DIP2C: variants seen among roughly 807,000 people sequenced by gnomAD.
DIP2C encodes disco-interacting protein 2 homolog C.
In DIP2C, 33 loss-of-function variants were observed where a neutral mutation model predicts 192.4. That is an observed-to-expected ratio of 0.17 (90% CI 0.13 to 0.23). The LOEUF (loss-of-function observed/expected upper bound fraction) is 0.23. DIP2C is among the 10% of genes least tolerant of loss of function. DIP2C has a pLI of 1.00. For missense variants in DIP2C, 1,537 were observed against 2,110.1 expected, an observed-to-expected ratio of 0.73 and a Z score of 5.32; for synonymous variants, 979 against 864.1, an observed-to-expected ratio of 1.13 and a Z score of -2.33.
chr10:555,700 G>A (rs367693799), intron 1 of DIP2C, among the ~76,000 whole-genome samples: 5 of 152,252 alleles, frequency 3.3e-5, no homozygotes, highest in East Asian at 3.9e-4. Context: ...CCTCAGATGC[G>A]TTAATCAGAG....
At position 310,041 on chromosome 10, in the gene DIP2C, T is replaced by C; in HGVS notation, c.3976A>G (p.Arg1326Gly). The C allele has an allele frequency of 6.2e-7, 1 of 1,614,166 alleles. No individual in the cohort carries two copies. Among genetic ancestry groups the C allele is most frequent in the Non-Finnish European group, 8.5e-7 (1 of 1,180,034 alleles). ...AGAAGTGTACAGTACCTGTCGTGTC[T>C]CAGGGCTCTCATGTCCACGTAGACA... Reference protein sequence around the residue: ...TTVYVDMRALRHDRVRLVERG... With the variant: ...TTVYVDMRALGHDRVRLVERG... The change falls in exon 32 of 37, where the codon AGA (arginine) becomes GGA (glycine). Residue 1326 changes from arginine to glycine, a missense_variant. This residue lies in a region of DIP2C where 341 missense variants were observed against 551.7 expected (regional missense o/e 0.62). Transcript: ENST00000280886.
intron 10 of DIP2C, among the ~76,000 whole-genome samples, chr10:396,826 T>TGTGG (rs1964021405): frequency 2.4e-5 from 1 of 41,208 alleles, no homozygotes; most frequent in East Asian, 6.9e-4. Flanking sequence ...GCAAATCCGG[T>TGTGG]GGGGGGGGGG....
chr10:349,985 G>T (rs1400459660), intron 24 of DIP2C, among the ~76,000 whole-genome samples: 1 of 152,222 alleles, frequency 6.6e-6, no homozygotes, highest in Non-Finnish European at 1.5e-5. Context: ...AGACTTTAAT[G>T]TACAAACAAA....
chr10:605,186 A>G (rs1431202567), intron 1 of DIP2C, among the ~76,000 whole-genome samples: 1 of 152,186 alleles, frequency 6.6e-6, no homozygotes, highest in Non-Finnish European at 1.5e-5. Flanking sequence ...CGCCGGCTGC[A>G]CTCAGAGCTC....
intron 17 of DIP2C, among the ~76,000 whole-genome samples, chr10:381,145 G>T (rs551141073): frequency 1.3e-5 from 2 of 152,062 alleles, no homozygotes; most frequent in African/African-American, 4.8e-5. Flanking sequence ...TCACCACTGA[G>T]ATAGAGTTGC....
intron 1 of DIP2C, among the ~76,000 whole-genome samples, chr10:501,791 C>T (rs1845251300): frequency 6.6e-6 from 1 of 152,290 alleles, no homozygotes; most frequent in East Asian, 1.9e-4. Context: ...AGGCCAGGCA[C>T]TGTGCCAGGT....
intron 1 of DIP2C, among the ~76,000 whole-genome samples, chr10:594,104 G>C (rs895570226): frequency 2.6e-5 from 4 of 152,230 alleles, no homozygotes; most frequent in African/African-American, 7.2e-5. Context: ...TACGCAGTGG[G>C]ATGACAGAGG....
At chr10:385,058 A>C (rs954376867) in intron 14 of DIP2C, among the ~76,000 whole-genome samples, 2 of 141,448 alleles carry the variant, frequency 1.4e-5, no homozygotes, top group East Asian at 2.2e-4. Flanking sequence ...CCCTGAGGAG[A>C]AGCAGCTCTC....
At chr10:595,404 C>A (rs1851643840) in intron 1 of DIP2C, among the ~76,000 whole-genome samples, 1 of 152,192 alleles carries the variant, frequency 6.6e-6, no homozygotes, top group African/African-American at 2.4e-5. Context: ...AATATGACCA[C>A]AACCTTTTGT....
In DIP2C at chr10:498,499, C is replaced by T. The variant is rs538558808; in HGVS notation, c.86-11969G>A. ...GTCCTGCTGACAGACCCCACCAGGA[C>T]GTGTAGAACACAGCGCAGTCATGCT... On this transcript the variant is annotated intron_variant, in intron 1 of 36. Coordinates refer to ENST00000280886, the MANE Select transcript of DIP2C (RefSeq NM_014974.3). Among the ~76,000 whole-genome samples the T allele has an allele frequency of 2.2e-4, 33 of 152,344 alleles. No homozygotes were observed. In the South Asian group the frequency reaches 5.4e-3, roughly 25 times the overall value.
At chr10:679,969 C>T (rs538071610) in intron 1 of DIP2C, among the ~76,000 whole-genome samples, 1 of 152,148 alleles carries the variant, frequency 6.6e-6, no homozygotes, top group Non-Finnish European at 1.5e-5. Flanking sequence ...GTGAGATGAG[C>T]GCATCTGATC....
At chr10:389,889 C>T in intron 13 of DIP2C, 102 bp downstream of exon 13, 1 of 938,040 alleles carries the variant, frequency 1.1e-6, no homozygotes, top group Non-Finnish European at 1.7e-6. Flanking sequence ...TGGGCACAAA[C>T]TTCACGCTAT....
intron 1 of DIP2C, among the ~76,000 whole-genome samples, chr10:519,981 G>A (rs908475989): frequency 6.6e-5 from 10 of 152,324 alleles, no homozygotes; most frequent in African/African-American, 1.9e-4. Context: ...ACACCATGGC[G>A]GGCAGGAAGC....
chr10:383,964 A>T, intron 16 of DIP2C, 63 bp downstream of exon 16: 1 of 3,486 alleles, frequency 2.9e-4, no homozygotes, highest in Non-Finnish European at 3.4e-4. Context: ...CTGCCTCACG[A>T]AAAAAAAAAA....
chr10:594,399 A>G (rs1441936059), intron 1 of DIP2C, among the ~76,000 whole-genome samples: 1 of 151,964 alleles, frequency 6.6e-6, no homozygotes, highest in Non-Finnish European at 1.5e-5. Context: ...AGTACAAACC[A>G]TTTCAACATA....
chr10:420,432 C>T (rs1484976548), intron 5 of DIP2C, among the ~76,000 whole-genome samples: 1 of 152,134 alleles, frequency 6.6e-6, no homozygotes, highest in African/African-American at 2.4e-5. Context: ...GGGGAGGGCC[C>T]GCCACACCGC....
chr10:581,045 C>G (rs557227107), intron 1 of DIP2C, among the ~76,000 whole-genome samples: 1 of 152,112 alleles, frequency 6.6e-6, no homozygotes, highest in East Asian at 1.9e-4. Flanking sequence ...TGAGAGAGAC[C>G]AATGTCCCAG....
intron 26 of DIP2C, among the ~76,000 whole-genome samples, chr10:348,052 C>G (rs11251862): frequency 0.33 from 40,806 of 122,102 alleles, 8,878 homozygotes; most frequent in Non-Finnish European, 0.48. Context: ...AAACCCCACA[C>G]GCACCCAGAC....
chr10:419,262 A>C, intron 5 of DIP2C, 63 bp from the exon 6 acceptor site: 5 of 1,609,030 alleles, frequency 3.1e-6, no homozygotes, highest in Non-Finnish European at 3.4e-6. Context: ...AGGTGGAACA[A>C]GCCACAGCCC....
Sources: allele counts gnomAD v4.1 joint callset (sites outside exome capture counted in the v4.1 genomes callset), GRCh38; gene constraint gnomAD v4.1.1; regional missense constraint gnomAD v4.1.1; transcripts MANE v1.5; gene names NCBI Gene and HGNC (gene_info 2026-07-23, HGNC 2026-07-21).